The following ADCY2 variants were observed in gnomAD, a reference collection of about 807,000 sequenced individuals.
ADCY2 encodes adenylate cyclase 2.
ADCY2 carries 31 observed loss-of-function variants against 125.2 expected under a neutral mutation model. The observed-to-expected ratio is 0.25, with a 90% CI of 0.19 to 0.33. ADCY2 has a LOEUF of 0.33. ADCY2 is among the 10% of genes least tolerant of loss of function. The probability of loss-of-function intolerance (pLI) is 1.00; values close to 1 mark genes in which losing one functional copy is unlikely to be tolerated. For missense variants in ADCY2, 904 were observed against 1,418.2 expected, an observed-to-expected ratio of 0.64 and a Z score of 5.82; for synonymous variants, 512 against 548.4, an observed-to-expected ratio of 0.93 and a Z score of 0.93.
At chr5:7,707,233 C>T (rs1345308251) in intron 8 of ADCY2, among the ~76,000 whole-genome samples, 2 of 152,164 alleles carry the variant, frequency 1.3e-5, no homozygotes, top group African/African-American at 4.8e-5. Flanking sequence ...GAACTGTTGA[C>T]CTCTAAAACC....
intron 12 of ADCY2, among the ~76,000 whole-genome samples, chr5:7,721,283 G>T (rs1741749122): frequency 6.6e-6 from 1 of 152,182 alleles, no homozygotes; most frequent in African/African-American, 2.4e-5. Flanking sequence ...GTTCTTTGTA[G>T]ATTCTGGATA....
chr5:7,448,200 G>A (rs960421042), intron 2 of ADCY2, among the ~76,000 whole-genome samples: 1 of 152,134 alleles, frequency 6.6e-6, no homozygotes, highest in African/African-American at 2.4e-5. Context: ...TGCAGCTCTG[G>A]AGCTCCTTCA....
rs781037367 is a variant in ADCY2, at chr5:7,766,679, C to T, written c.2095-8C>T. 1.9e-6 allele frequency: 3 copies of T among 1,609,912 alleles called. No individual in the cohort carries two copies. The Admixed American group carries it at 5.1e-5, about 27-fold the overall frequency. Reference sequence around the variant, plus strand: ...ATTAATTCATTGAAAAAAACCTTCTCTTTGCAGTTTTTCCTGAGTGACTCA... The same window carrying T: ...ATTAATTCATTGAAAAAAACCTTCTTTTTGCAGTTTTTCCTGAGTGACTCA... On this transcript the variant is annotated splice_polypyrimidine_tract_variant and splice_region_variant and intron_variant, in intron 16 of 24. Transcript: ENST00000338316.
intron 2 of ADCY2, among the ~76,000 whole-genome samples, chr5:7,442,295 C>T (rs573864453): frequency 6.6e-6 from 1 of 152,258 alleles, no homozygotes. Context: ...ATCTTACAAG[C>T]TCTGTCTTGG....
chr5:7,700,820 C>G (rs907943641), intron 7 of ADCY2, among the ~76,000 whole-genome samples: 3 of 150,828 alleles, frequency 2.0e-5, no homozygotes, highest in African/African-American at 7.3e-5. Context: ...TAGAAAACTC[C>G]TGCATGCTTT....
At chr5:7,792,944 C>T (rs575000386) in intron 20 of ADCY2, among the ~76,000 whole-genome samples, 4 of 152,292 alleles carry the variant, frequency 2.6e-5, no homozygotes, top group African/African-American at 7.2e-5. Context: ...GAGGCGTGCA[C>T]GGGACCCACA....
At chr5:7,427,305 G>A (rs1329742875) in intron 2 of ADCY2, among the ~76,000 whole-genome samples, 1 of 152,192 alleles carries the variant, frequency 6.6e-6, no homozygotes, top group African/African-American at 2.4e-5. Flanking sequence ...GTAAAGGACT[G>A]CTCAGGACTG....
At chr5:7,656,456 T>G (rs1345835631) in intron 4 of ADCY2, among the ~76,000 whole-genome samples, 1 of 152,248 alleles carries the variant, frequency 6.6e-6, no homozygotes, top group Admixed American at 6.5e-5. Flanking sequence ...ATTAATCAAT[T>G]GATTCCAAGT....
At chr5:7,472,898 G>A (rs1007484383) in intron 2 of ADCY2, among the ~76,000 whole-genome samples, 7 of 152,102 alleles carry the variant, frequency 4.6e-5, no homozygotes, top group Non-Finnish European at 1.0e-4. Flanking sequence ...CCCAGAGAGG[G>A]TCTCTGTGTT....
At chr5:7,454,861 C>A (rs564788949) in intron 2 of ADCY2, among the ~76,000 whole-genome samples, 1 of 152,040 alleles carries the variant, frequency 6.6e-6, no homozygotes, top group African/African-American at 2.4e-5. Flanking sequence ...ACCTAACTCT[C>A]CTTTGGTTTT....
chr5:7,541,453 G>A (rs17827533), intron 3 of ADCY2, among the ~76,000 whole-genome samples: 5,588 of 152,336 alleles, frequency 0.037, 153 homozygotes, highest in Non-Finnish European at 0.057. Flanking sequence ...GTCAGAGGTA[G>A]AGGGTGTCTG....
chr5:7,503,822 A>C (rs1368064121), intron 2 of ADCY2, among the ~76,000 whole-genome samples: 2 of 152,254 alleles, frequency 1.3e-5, no homozygotes, highest in Non-Finnish European at 2.9e-5. Context: ...GGTTCAACCC[A>C]CAGTCAAAGA....
intron 1 of ADCY2, among the ~76,000 whole-genome samples, chr5:7,413,854 T>TA (rs917562505): frequency 6.6e-6 from 1 of 151,404 alleles, no homozygotes; most frequent in Non-Finnish European, 1.5e-5. Context: ...AAGAGATAAA[T>TA]AAAAAAAAAT....
chr5:7,657,116 A>G (rs187907790), intron 4 of ADCY2, among the ~76,000 whole-genome samples: 11 of 152,374 alleles, frequency 7.2e-5, no homozygotes, highest in African/African-American at 2.6e-4. Flanking sequence ...TATCCCCAAG[A>G]TATCTCATTT....
At chr5:7,459,901 C>T (rs1579465073) in intron 2 of ADCY2, among the ~76,000 whole-genome samples, 1 of 149,222 alleles carries the variant, frequency 6.7e-6, no homozygotes, top group East Asian at 2.0e-4. Flanking sequence ...ATTCTTCTGC[C>T]TCAGCCTCCG....
chr5:7,703,741 G>A (rs965549568), intron 7 of ADCY2, among the ~76,000 whole-genome samples: 8 of 152,102 alleles, frequency 5.3e-5, no homozygotes, highest in Non-Finnish European at 1.2e-4. Flanking sequence ...CTTTAAAGTA[G>A]TTTTTTCCAA....
chr5:7,809,695 CA>C (rs1744872311), intron 22 of ADCY2, among the ~76,000 whole-genome samples: 1 of 152,164 alleles, frequency 6.6e-6, no homozygotes, highest in Non-Finnish European at 1.5e-5. Context: ...TTTGCAGTAA[CA>C]ACATACTTAC....
intron 2 of ADCY2, among the ~76,000 whole-genome samples, chr5:7,488,414 T>A (rs1232586630): frequency 6.6e-6 from 1 of 152,150 alleles, no homozygotes; most frequent in East Asian, 1.9e-4. Context: ...TTGCCAGGAT[T>A]TCCAGGTGGT....
intron 4 of ADCY2, among the ~76,000 whole-genome samples, chr5:7,662,991 A>G (rs1739585022): frequency 1.4e-5 from 1 of 69,844 alleles, no homozygotes. Flanking sequence ...AGTGAAATTC[A>G]TACATTCATT....
Sources: allele counts gnomAD v4.1 joint callset (sites outside exome capture counted in the v4.1 genomes callset), GRCh38; gene constraint gnomAD v4.1.1; transcripts MANE v1.5; gene names NCBI Gene and HGNC (gene_info 2026-07-23, HGNC 2026-07-21).